PRPF19: variants seen among roughly 807,000 people sequenced by gnomAD.
PRPF19 encodes the protein pre-mRNA processing factor 19.
A neutral mutation model predicts 64.2 loss-of-function variants in PRPF19; 2 were observed. The ratio of observed to expected loss-of-function variants is 0.03; its 90% CI spans 0.01 to 0.10. The LOEUF is 0.10. Ranked by LOEUF, PRPF19 falls within the 10% of genes least tolerant of loss-of-function variation. PRPF19 has a pLI of 1.00. For synonymous variants in PRPF19, 226 were observed against 251.6 expected, an observed-to-expected ratio of 0.90 and a Z score of 0.96; for missense variants, 314 against 650.0, an observed-to-expected ratio of 0.48 and a Z score of 5.62.
At position 60,903,878 on chromosome 11, in the gene PRPF19, G is replaced by A. The variant is rs755696591; in HGVS notation, c.20-17C>T. On this transcript the variant is annotated splice_polypyrimidine_tract_variant and intron_variant, in intron 1 of 15. Transcript: ENST00000227524. ...CGTTAGAGACTGTAGAGAAAAGGCT[G>A]GTAGTGAGCTTGGAGTGAAGGCAAT... 2 of 1,605,556 alleles carry A rather than the reference G, an allele frequency of 1.2e-6. No individual in the cohort carries two copies. Among genetic ancestry groups the A allele is most frequent in the Non-Finnish European group, 1.7e-6 (2 of 1,177,940 alleles).
Position 60,900,628 on chromosome 11 carries a change from T to C in PRPF19, c.782A>G (p.Lys261Arg). Residue 261 changes from lysine (K) to arginine (R), a missense_variant, in exon 10 of 16, where the codon AAA becomes AGA. Lys to Arg is a conservative substitution (Grantham distance 26). Transcript: ENST00000227524. ...GCTGGTGACCTTCTTGGTATGGCCT[T>C]TGAGGGTAGCCAGGATTTGTTCAGA... is the stretch of plus-strand genomic sequence containing the variant. ...KSSEQILATLKGHTKKVTSVV... is the reference protein window; with the variant it reads ...KSSEQILATLRGHTKKVTSVV... 1.9e-6 allele frequency: 3 copies of C among 1,558,812 alleles called. No individual in the cohort carries two copies. The highest frequency in any genetic ancestry group is 2.6e-6 in the Non-Finnish European group (3 of 1,149,852).
Position 60,899,212 on chromosome 11 carries a change from A to G in PRPF19, c.921T>C (p.Ser307=). 1 of 1,614,030 alleles carries G rather than the reference A, an allele frequency of 6.2e-7. No individual in the cohort carries two copies. The highest frequency in any genetic ancestry group is 8.5e-7 in the Non-Finnish European group (1 of 1,179,982). The change falls in exon 11 of 16, where the codon AGT becomes AGC. Residue 307 remains serine (S), a synonymous_variant. Transcript: ENST00000227524. ...SCVQVVRAHE[S]AVTGLSLHAT... ...CATGAAGGCTGAGGCCTGTCACAGCACTCTCATGGGCCCGAACCACCTGTA... is the reference window on the plus strand; with the variant it reads ...CATGAAGGCTGAGGCCTGTCACAGCGCTCTCATGGGCCCGAACCACCTGTA...
At position 60,891,671 on chromosome 11, in the gene PRPF19, G is replaced by A. The variant is rs57345478; in HGVS notation, c.1418-408C>T. Among the ~76,000 whole-genome samples the A allele has an allele frequency of 3.0e-3, 461 of 152,338 alleles. 2 individuals carry two copies. The highest frequency in any genetic ancestry group is 1.0e-2 in the African/African-American group (415 of 41,578). Reference sequence around the variant, plus strand: ...GCACTCAGGCCCCTAACACAGAGCAGGACCAGATAAGAGGCAGATGAGGCT... The same window carrying A: ...GCACTCAGGCCCCTAACACAGAGCAAGACCAGATAAGAGGCAGATGAGGCT... On this transcript the variant is annotated intron_variant, in intron 15 of 15. Transcript: ENST00000227524.
intron 1 of PRPF19, among the ~76,000 whole-genome samples, chr11:60,904,743 C>CGTGGG (rs1856024555): frequency 6.6e-6 from 1 of 152,192 alleles, no homozygotes; most frequent in Admixed American, 6.5e-5. Flanking sequence ...CAGGAACCCC[C>CGTGGG]ACATGTTCTG....
intron 15 of PRPF19, among the ~76,000 whole-genome samples, chr11:60,895,909 A>G (rs1477812507): frequency 6.6e-6 from 1 of 152,212 alleles, no homozygotes; most frequent in Non-Finnish European, 1.5e-5. Context: ...TAAATTCAGT[A>G]ACTTTTATGG....
At chr11:60,906,108 C>T (rs1856042491) in intron 1 of PRPF19, among the ~76,000 whole-genome samples, 1 of 152,268 alleles carries the variant, frequency 6.6e-6, no homozygotes, top group Admixed American at 6.5e-5. Context: ...AGACCTGTTT[C>T]CACTCTGTAG....
At chr11:60,899,412 C>T in intron 10 of PRPF19, 108 bp from the exon 11 acceptor site, 1 of 1,216,758 alleles carries the variant, frequency 8.2e-7, no homozygotes, top group Non-Finnish European at 1.2e-6. Context: ...AATTGCTTCT[C>T]CTTTCAGCTC....
chr11:60,896,345 G>A (rs993255599), intron 15 of PRPF19, among the ~76,000 whole-genome samples: 25 of 152,310 alleles, frequency 1.6e-4, no homozygotes, highest in Middle Eastern at 3.4e-3. Flanking sequence ...AAGACCTTCC[G>A]GTGGGAAAAG....
At chr11:60,892,480 T>C (rs116001382) in intron 15 of PRPF19, among the ~76,000 whole-genome samples, 182 of 152,286 alleles carry the variant, frequency 1.2e-3, no homozygotes, top group African/African-American at 4.2e-3. Flanking sequence ...ATGGTTCAAC[T>C]TGCAATATTT....
At chr11:60,900,445 T>G in intron 10 of PRPF19, 137 bp downstream of exon 10, 1 of 676,768 alleles carries the variant, frequency 1.5e-6, no homozygotes, top group Non-Finnish European at 2.6e-6. Context: ...AACTCCAAAG[T>G]GAGCCCCTCC....
chr11:60,905,854 G>A (rs1411878487), intron 1 of PRPF19, among the ~76,000 whole-genome samples: 1 of 152,250 alleles, frequency 6.6e-6, no homozygotes, highest in African/African-American at 2.4e-5. Context: ...CAGATACCTG[G>A]CTGCCAGCCT....
In PRPF19 at chr11:60,898,226, T is replaced by C; in HGVS notation, c.1186A>G (p.Thr396Ala). 2 of 1,614,058 alleles carry C rather than the reference T, an allele frequency of 1.2e-6. No homozygotes were observed. Among genetic ancestry groups the C allele is most frequent in the Non-Finnish European group, 1.7e-6 (2 of 1,180,024 alleles). The stretch of plus-strand genomic sequence containing the variant: ...CCATTCTCAGAGAAGGCGATGCTAG[T>C]GATGGGGCCCGAGTGGCCAGGGAAG... The part of the protein sequence containing the change: ...ANFPGHSGPI[T>A]SIAFSENGYY... The change falls in exon 14 of 16, where the codon ACT becomes GCT. Residue 396 changes from threonine (T) to alanine (A), a missense_variant. By Grantham distance (58) the Thr-to-Ala change is moderately conservative. This residue lies in a region of PRPF19 where 175 missense variants were observed against 342.9 expected (regional missense o/e 0.51). Coordinates refer to ENST00000227524, the MANE Select transcript of PRPF19 (RefSeq NM_014502.5). The surrounding 1 kb of genome is among the most constrained non-coding windows in gnomAD (Gnocchi z 4.6).
rs1327621444 is a variant in PRPF19, at chr11:60,898,130, TA to T, written c.1281del (p.Phe427LeufsTer12). On this transcript the variant is annotated frameshift_variant, in exon 14 of 16. Coordinates refer to ENST00000227524, the MANE Select transcript of PRPF19 (RefSeq NM_014502.5). LOFTEE classifies it high-confidence loss of function. The surrounding 1 kb of genome is among the most constrained non-coding windows in gnomAD (Gnocchi z 4.6). ...AAGTTGTTATCCAGCTGCAAAGTCT[TA>T]AAGTTCTTAAGCTTGCGCAGATCCC... ...KLWDLRKLKN[F>X]KTLQLDNNFE... is the part of the protein sequence containing the mutation. 6.2e-7 allele frequency: 1 copy of T among 1,614,020 alleles called. No homozygotes were observed.
chr11:60,903,330 TA>T (rs903850667), intron 3 of PRPF19, 128 bp downstream of exon 3: 10 of 1,040,246 alleles, frequency 9.6e-6, no homozygotes, highest in Middle Eastern at 2.1e-4. Flanking sequence ...CAACGAAGAA[TA>T]AAACAAATCC....
At chr11:60,903,182 G>A (rs1261269494) in intron 3 of PRPF19, among the ~76,000 whole-genome samples, 1 of 152,114 alleles carries the variant, frequency 6.6e-6, no homozygotes, top group African/African-American at 2.4e-5. Flanking sequence ...TAACAACACT[G>A]CTGCTGCTGC....
intron 15 of PRPF19, among the ~76,000 whole-genome samples, chr11:60,893,332 A>G (rs1855884100): frequency 6.6e-6 from 1 of 151,558 alleles, no homozygotes; most frequent in Admixed American, 6.6e-5. Flanking sequence ...TCTACTACAA[A>G]TACAAGTACA....
Position 60,903,800 on chromosome 11 carries a change from C to A in PRPF19, c.81G>T (p.Arg27=). The A allele has an allele frequency of 6.2e-7, 1 of 1,606,894 alleles. No individual in the cohort carries two copies. The highest frequency in any genetic ancestry group is 8.5e-7 in the Non-Finnish European group (1 of 1,178,496). ...CCGCAATGTACTTCTCGATGAGCCG[C>A]CGCTCATAAACATGATTAGAGACAG... ...VSPVSNHVYE[R]RLIEKYIAEN... Residue 27 remains arginine (R), a synonymous_variant, in exon 2 of 16, where the codon CGG becomes CGT. Coordinates refer to ENST00000227524, the MANE Select transcript of PRPF19 (RefSeq NM_014502.5).
At position 60,906,261 on chromosome 11, in the gene PRPF19, A is replaced by G. The variant is rs1476066627; in HGVS notation, c.19+103T>C. ...CGCCGCTCGGCCTCCGGAGCGCCCC[A>G]TTCCCGCCTCCACCCCGGCCCGGGC... On this transcript the variant is annotated intron_variant, in intron 1 of 15. Transcript: ENST00000227524. 4 of 1,462,006 alleles carry G rather than the reference A, an allele frequency of 2.7e-6. No individual in the cohort carries two copies. In the East Asian group the frequency reaches 8.3e-5, roughly 30 times the overall value. The allele number at this position is 1,462,006 out of a possible 1,614,324, so 90.6% of individuals were successfully genotyped here. A position where few individuals can be genotyped will look rare whatever the true frequency, so the allele number is the denominator to read the frequency against.
At chr11:60,897,690 C>T (rs545869092) in intron 15 of PRPF19, 156 bp downstream of exon 15, 521 of 619,106 alleles carry the variant, frequency 8.4e-4, no homozygotes, top group African/African-American at 8.4e-3. Context: ...TGCAGTCTGA[C>T]TCAGTTGCTT....
Sources: allele counts gnomAD v4.1 joint callset (sites outside exome capture counted in the v4.1 genomes callset), GRCh38; gene constraint gnomAD v4.1.1; regional missense constraint gnomAD v4.1.1; non-coding constraint Gnocchi (gnomAD v3.1); transcripts MANE v1.5; gene names NCBI Gene and HGNC (gene_info 2026-07-23, HGNC 2026-07-21).